The following DCAF16 variants were observed in gnomAD, a reference collection of about 807,000 sequenced individuals.
DCAF16 encodes DDB1 and CUL4 associated factor 16, also known as DDB1- and CUL4-associated factor 16.
A neutral mutation model predicts 17.3 loss-of-function variants in DCAF16; 10 were observed. The observed-to-expected ratio is 0.58, with a 90% CI of 0.36 to 0.98. The LOEUF (loss-of-function observed/expected upper bound fraction) is 0.98. Ranked by LOEUF, DCAF16 falls within the 50% of genes least tolerant of loss-of-function variation. DCAF16 has a pLI of 0.01. For missense variants in DCAF16, 249 were observed against 247.6 expected, an observed-to-expected ratio of 1.01 and a Z score of -0.04; for synonymous variants, 111 against 92.8, an observed-to-expected ratio of 1.20 and a Z score of -1.12.
downstream of DCAF16, among the ~76,000 whole-genome samples, chr4:17,797,754 C>T (rs2109009860): frequency 6.6e-6 from 1 of 152,302 alleles, no homozygotes; most frequent in South Asian, 2.1e-4. Flanking sequence ...TGGCCATGCC[C>T]TTGGGCTGTT....
intron 1 of DCAF16, among the ~76,000 whole-genome samples, chr4:17,807,965 G>T (rs923664477): frequency 7.9e-5 from 12 of 152,238 alleles, no homozygotes; most frequent in African/African-American, 2.2e-4. Context: ...ATATATGAGT[G>T]GCTCAGTAAA....
At position 17,804,254 on chromosome 4, in the gene DCAF16, T is replaced by C. The variant is rs1020419071; in HGVS notation, c.-113A>G. 4 of 919,764 alleles carry C rather than the reference T, an allele frequency of 4.3e-6. No individual in the cohort carries two copies. The highest frequency in any genetic ancestry group is 1.7e-5 in the African/African-American group (1 of 59,470). 57.0% of individuals were successfully genotyped at this position (919,764 alleles called of 1,614,324 possible). On this transcript the variant is annotated 5_prime_UTR_variant, in exon 3 of 3. Transcript: ENST00000382247. ...TGAAAAATCCTTTCACCAAGATTAA[T>C]TTGTCTTTCAGTCCGTTACACACAT...
rs928674325 is a variant in DCAF16 at position 17,801,386 on chromosome 4, T to A, written c.*2105A>T. On this transcript the variant is annotated 3_prime_UTR_variant, in exon 3 of 3. Transcript: ENST00000382247. ...TCAAGTGATCCACCTGCCCTCAGCCTCCCAAACTGTTGGGATTACAGGCAT... is the reference window on the plus strand; with the variant it reads ...TCAAGTGATCCACCTGCCCTCAGCCACCCAAACTGTTGGGATTACAGGCAT... 1 of 152,212 alleles carries A rather than the reference T, an allele frequency of 6.6e-6. No individual in the cohort carries two copies. Among genetic ancestry groups the A allele is most frequent in the African/African-American group, 2.4e-5 (1 of 41,434 alleles). 9.4% of individuals were successfully genotyped at this position (152,212 alleles called of 1,614,324 possible).
rs1228294765 is a variant in DCAF16 at position 17,801,548 on chromosome 4, C to T, written c.*1943G>A. 1 of 152,106 alleles carries T rather than the reference C, an allele frequency of 6.6e-6. No homozygotes were observed. The allele number at this position is 152,106 out of a possible 1,614,324, so 9.4% of individuals were successfully genotyped here. A position where few individuals can be genotyped will look rare whatever the true frequency, so the allele number is the denominator to read the frequency against. On this transcript the variant is annotated 3_prime_UTR_variant, in exon 3 of 3. Coordinates refer to ENST00000382247, the MANE Select transcript of DCAF16 (RefSeq NM_017741.4). ...ACTTTTCACAATCTCTTTTCTGATT[C>T]CCTTTAGATGCCCAGTCAACCAGGA...
the DCAF16 span, among the ~76,000 whole-genome samples, chr4:17,794,355 G>T: frequency 2.6e-5 from 4 of 152,080 alleles, no homozygotes; most frequent in African/African-American, 7.2e-5. Context: ...ATAAACTGTT[G>T]TGTGCCTTTG....
chr4:17,809,914 G>A (rs984271405), intron 1 of DCAF16, among the ~76,000 whole-genome samples: 3 of 152,074 alleles, frequency 2.0e-5, no homozygotes, highest in African/African-American at 7.2e-5. Flanking sequence ...GATCTCCCAG[G>A]TAACAAAAAT....
chr4:17,803,944 C>A lies in DCAF16; in HGVS notation c.198G>T (p.Trp66Cys). The A allele has an allele frequency of 6.2e-7, 1 of 1,614,090 alleles. No individual in the cohort carries two copies. The highest frequency in any genetic ancestry group is 8.5e-7 in the Non-Finnish European group (1 of 1,180,024). ...VKCLLKYSTT[W>C]KPLNPNSWLY... ...ACCAGGAATTAGGATTTAAAGGTTT[C>A]CAAGTTGTGGAATATTTTAAAAGGC... The change falls in exon 3 of 3, where the codon TGG (tryptophan) becomes TGT (cysteine). Residue 66 changes from tryptophan to cysteine, a missense_variant. Transcript: ENST00000382247.
Position 17,803,579 on chromosome 4 carries a change from T to A in DCAF16, c.563A>T (p.Glu188Val). The A allele has an allele frequency of 3.1e-6, 5 of 1,614,234 alleles. No homozygotes were observed. Among genetic ancestry groups the A allele is most frequent in the Non-Finnish European group, 4.2e-6 (5 of 1,180,040 alleles). ...CCGWLTKTVK[E>V]TTRTEPINTT... ...GTTGATGGGTTCAGTACGAGTTGTTTCCTTAACTGTTTTAGTCAGCCAGCC... is the reference window on the plus strand; with the variant it reads ...GTTGATGGGTTCAGTACGAGTTGTTACCTTAACTGTTTTAGTCAGCCAGCC... Residue 188 changes from glutamate to valine, a missense_variant, in exon 3 of 3, where the codon GAA (glutamate) becomes GTA (valine). By Grantham distance (121) the Glu-to-Val change is moderately radical (BLOSUM62 -2). Coordinates refer to ENST00000382247, the MANE Select transcript of DCAF16 (RefSeq NM_017741.4).
chr4:17,797,093 G>A (rs912673005), downstream of DCAF16, among the ~76,000 whole-genome samples: 2 of 152,098 alleles, frequency 1.3e-5, no homozygotes, highest in Non-Finnish European at 2.9e-5. Context: ...CTCCTGAGTA[G>A]CTAGGACTAC....
chr4:17,801,422 GC>G lies in DCAF16; in HGVS notation c.*2068del, dbSNP rs1719769815. The stretch of plus-strand genomic sequence containing the variant: ...TGGGATTACAGGCATGAGCCACCAT[GC>G]CTGGCCTGCTTCAATTTTTTGATGC... On this transcript the variant is annotated 3_prime_UTR_variant, in exon 3 of 3. Transcript: ENST00000382247. 6.6e-6 allele frequency: 1 copy of G among 152,104 alleles called. No individual in the cohort carries two copies. Among genetic ancestry groups the G allele is most frequent in the Non-Finnish European group, 1.5e-5 (1 of 68,020 alleles). 9.4% of individuals were successfully genotyped at this position (152,104 alleles called of 1,614,324 possible).
At chr4:17,808,525 A>G (rs1720532183) in intron 1 of DCAF16, among the ~76,000 whole-genome samples, 1 of 152,180 alleles carries the variant, frequency 6.6e-6, no homozygotes, top group South Asian at 2.1e-4. Flanking sequence ...AATTTAATCT[A>G]GCACCTTTGA....
At chr4:17,793,765 G>C in the DCAF16 span, among the ~76,000 whole-genome samples, 1 of 152,098 alleles carries the variant, frequency 6.6e-6, no homozygotes, top group Non-Finnish European at 1.5e-5. Flanking sequence ...ATTTTTATAT[G>C]ATCTTGATAC....
At chr4:17,795,385 G>A in the DCAF16 span, among the ~76,000 whole-genome samples, 6 of 152,152 alleles carry the variant, frequency 3.9e-5, no homozygotes, top group African/African-American at 1.4e-4. Flanking sequence ...AGGGCACTTA[G>A]TGGACCCTTT....
chr4:17,803,852 A>G lies in DCAF16; in HGVS notation c.290T>C (p.Leu97Pro), dbSNP rs1297318567. The G allele has an allele frequency of 6.2e-7, 1 of 1,614,208 alleles. No individual in the cohort carries two copies. The highest frequency in any genetic ancestry group is 1.3e-5 in the African/African-American group (1 of 75,070). The change falls in exon 3 of 3, where the codon CTC (leucine) becomes CCC (proline). Residue 97 changes from leucine to proline, a missense_variant. Physicochemically the swap from Leu to Pro is moderately conservative, Grantham distance 98 (BLOSUM62 -3). Coordinates refer to ENST00000382247, the MANE Select transcript of DCAF16 (RefSeq NM_017741.4). ...GGGGACACAATGGGAACAATGGGAG[A>G]GTCTTAGACCTATCTCTCGAAGTAT... ...VHILREIGLR[L>P]SHCSHCVPKL... is the part of the protein sequence containing the mutation.
chr4:17,797,420 C>T (rs1719478074), downstream of DCAF16, among the ~76,000 whole-genome samples: 1 of 151,920 alleles, frequency 6.6e-6, no homozygotes, highest in South Asian at 2.1e-4. Flanking sequence ...GAAACGTGTC[C>T]CAAGTAGGAT....
Position 17,804,003 on chromosome 4 carries a change from A to G in DCAF16, c.139T>C (p.Ser47Pro), listed in dbSNP as rs567145276. 172 of 1,614,202 alleles carry G rather than the reference A, an allele frequency of 1.1e-4. No homozygotes were observed. In the East Asian group the frequency reaches 2.5e-3, roughly 23 times the overall value. The change falls in exon 3 of 3, where the codon TCG (serine) becomes CCG (proline). Residue 47 changes from serine to proline, a missense_variant. By Grantham distance (74) the Ser-to-Pro change is moderately conservative. Transcript: ENST00000382247. ...TGCCAGGCAAGACTCTCAAGAGGCG[A>G]TAAGTTGGGCACCATAGAGTCCTCT... Reference protein sequence around the residue: ...EEEDSMVPNLSPLESLAWQVK... With the variant: ...EEEDSMVPNLPPLESLAWQVK...
At position 17,803,644 on chromosome 4, in the gene DCAF16, T is replaced by C; in HGVS notation, c.498A>G (p.Leu166=). The change falls in exon 3 of 3, where the codon CTA becomes CTG. Residue 166 remains leucine (L), a synonymous_variant. Transcript: ENST00000382247. ...AAACACATGAATTAGGGATCTGTTTTAGGTATTCAGGTATGGGAGTGGCTC... is the reference window on the plus strand; with the variant it reads ...AAACACATGAATTAGGGATCTGTTTCAGGTATTCAGGTATGGGAGTGGCTC... ...LSRATPIPEY[L]KQIPNSCVSG... is the part of the protein sequence containing the mutation. 6.2e-7 allele frequency: 1 copy of C among 1,614,198 alleles called. No homozygotes were observed. Among genetic ancestry groups the C allele is most frequent in the Non-Finnish European group, 8.5e-7 (1 of 1,180,044 alleles).
intron 1 of DCAF16, chr4:17,809,338 A>C (rs956155097): frequency 6.6e-6 from 1 of 152,240 alleles, no homozygotes; most frequent in African/African-American, 2.4e-5. Flanking sequence ...TATTATGAAC[A>C]TATCAATATG....
downstream of DCAF16, among the ~76,000 whole-genome samples, chr4:17,798,544 C>G (rs1577308621): frequency 6.6e-6 from 1 of 151,756 alleles, no homozygotes; most frequent in African/African-American, 2.4e-5. Flanking sequence ...TGCGGTGAGC[C>G]AAGATTATGC....
Sources: gnomAD v4.1 joint callset for allele counts (sites outside exome capture counted in the v4.1 genomes callset) on GRCh38, gnomAD v4.1.1 for gene constraint, MANE v1.5 for transcripts, NCBI Gene and HGNC (gene_info 2026-07-23, HGNC 2026-07-21) for gene names.